The following CTNND2 variants were observed in gnomAD, a reference collection of about 807,000 sequenced individuals.
The protein encoded by CTNND2 is catenin delta 2.
CTNND2 carries 22 observed loss-of-function variants against 144.4 expected under a neutral mutation model. That is an observed-to-expected ratio of 0.15 (90% CI 0.11 to 0.22). CTNND2 has a LOEUF of 0.22. Ranked by LOEUF, CTNND2 falls within the 10% of genes least tolerant of loss-of-function variation. CTNND2 has a pLI of 1.00. For missense variants in CTNND2, 1,353 were observed against 1,618.8 expected, an observed-to-expected ratio of 0.84 and a Z score of 2.82; for synonymous variants, 751 against 695.6, an observed-to-expected ratio of 1.08 and a Z score of -1.25.
chr5:11,373,010 C>T (rs1311139242), intron 7 of CTNND2, among the ~76,000 whole-genome samples: 2 of 152,208 alleles, frequency 1.3e-5, no homozygotes, highest in African/African-American at 2.4e-5. Flanking sequence ...TCAATAAAGG[C>T]ACAGTTCAAG....
chr5:11,685,327 C>A (rs1011231327), intron 2 of CTNND2, among the ~76,000 whole-genome samples: 1 of 152,144 alleles, frequency 6.6e-6, no homozygotes, highest in African/African-American at 2.4e-5. Flanking sequence ...AAAATGAAAG[C>A]AAAGTGTCAG....
chr5:11,853,619 A>T (rs1795117238), intron 1 of CTNND2, among the ~76,000 whole-genome samples: 1 of 152,152 alleles, frequency 6.6e-6, no homozygotes, highest in African/African-American at 2.4e-5. Context: ...GCCTTGGTGA[A>T]CTTGAAACTC....
At chr5:11,867,374 A>G (rs891586305) in intron 1 of CTNND2, among the ~76,000 whole-genome samples, 5 of 152,236 alleles carry the variant, frequency 3.3e-5, no homozygotes, top group African/African-American at 1.2e-4. Context: ...AATCACAGAA[A>G]ACATTACAGG....
chr5:11,161,552 CTTCA>C (rs1758767816), intron 11 of CTNND2, among the ~76,000 whole-genome samples: 1 of 152,136 alleles, frequency 6.6e-6, no homozygotes, highest in African/African-American at 2.4e-5. Flanking sequence ...ATCAAAATGA[CTTCA>C]TTCATTTCCA....
At chr5:11,689,581 C>G (rs1209409075) in intron 2 of CTNND2, among the ~76,000 whole-genome samples, 1 of 152,120 alleles carries the variant, frequency 6.6e-6, no homozygotes, top group Admixed American at 6.5e-5. Flanking sequence ...AGAATATTGT[C>G]ACTTACTTTT....
At chr5:11,325,994 G>T (rs1752483557) in intron 9 of CTNND2, among the ~76,000 whole-genome samples, 1 of 152,142 alleles carries the variant, frequency 6.6e-6, no homozygotes, top group Non-Finnish European at 1.5e-5. Context: ...ACCACAAAGT[G>T]AACATGGGAT....
chr5:11,337,380 A>AT (rs539994159), intron 9 of CTNND2, among the ~76,000 whole-genome samples: 28 of 151,974 alleles, frequency 1.8e-4, no homozygotes, highest in African/African-American at 5.5e-4. Flanking sequence ...CATTCTGACC[A>AT]TTTTTTTCAA....
chr5:11,025,087 A>C (rs977502376), intron 16 of CTNND2, among the ~76,000 whole-genome samples: 9 of 152,116 alleles, frequency 5.9e-5, no homozygotes, highest in Non-Finnish European at 1.3e-4. Flanking sequence ...TAGGTTACTG[A>C]CATTTTACTA....
intron 1 of CTNND2, among the ~76,000 whole-genome samples, chr5:11,785,160 T>C (rs1293170513): frequency 6.6e-6 from 1 of 152,186 alleles, no homozygotes; most frequent in East Asian, 1.9e-4. Context: ...AAAACATAAA[T>C]TGTTATTGTG....
chr5:11,476,942 C>T (rs1354747428), intron 3 of CTNND2, among the ~76,000 whole-genome samples: 1 of 152,132 alleles, frequency 6.6e-6, no homozygotes, highest in Non-Finnish European at 1.5e-5. Flanking sequence ...AGAAGTAAAA[C>T]ACCTCCCTTT....
intron 11 of CTNND2, among the ~76,000 whole-genome samples, chr5:11,181,770 GTGTGTC>G (rs1735006063): frequency 6.7e-6 from 1 of 149,166 alleles, no homozygotes; most frequent in South Asian, 2.2e-4. Flanking sequence ...GTGTGTGTGT[GTGTGTC>G]TGTGTGTGTG....
intron 5 of CTNND2, among the ~76,000 whole-genome samples, chr5:11,398,673 T>C (rs1306527715): frequency 6.6e-6 from 1 of 152,042 alleles, no homozygotes; most frequent in South Asian, 2.1e-4. Context: ...ACAAATGCAA[T>C]CCCTTCACTT....
chr5:11,609,128 CAT>C (rs1780199316), intron 2 of CTNND2, among the ~76,000 whole-genome samples: 1 of 152,178 alleles, frequency 6.6e-6, no homozygotes, highest in South Asian at 2.1e-4. Flanking sequence ...CTGGTTCACT[CAT>C]AGTTTTTTTC....
At chr5:11,815,255 G>A (rs1792561240) in intron 1 of CTNND2, among the ~76,000 whole-genome samples, 2 of 152,092 alleles carry the variant, frequency 1.3e-5, no homozygotes, top group East Asian at 3.9e-4. Flanking sequence ...CAATGAATTA[G>A]AATTAACATT....
intron 3 of CTNND2, among the ~76,000 whole-genome samples, chr5:11,439,761 T>TATCTATCTATCTATC (rs1764095926): frequency 6.7e-6 from 1 of 149,606 alleles, no homozygotes; most frequent in African/African-American, 2.5e-5. Context: ...TCTATCTATC[T>TATCTATCTATCTATC]ATCTATCTAT....
intron 2 of CTNND2, among the ~76,000 whole-genome samples, chr5:11,725,940 A>G (rs1786992913): frequency 6.6e-6 from 1 of 152,186 alleles, no homozygotes; most frequent in Non-Finnish European, 1.5e-5. Context: ...TTCCTCTAGA[A>G]TATTCTATGG....
At chr5:11,471,143 AATTTTTTGT>A (rs1767193762) in intron 3 of CTNND2, among the ~76,000 whole-genome samples, 2 of 150,904 alleles carry the variant, frequency 1.3e-5, no homozygotes, top group African/African-American at 4.9e-5. Context: ...ATGCCCAGCT[AATTTTTTGT>A]ATTTTTAGTA....
At chr5:11,429,811 A>T (rs1482297161) in intron 3 of CTNND2, among the ~76,000 whole-genome samples, 1 of 152,200 alleles carries the variant, frequency 6.6e-6, no homozygotes, top group Admixed American at 6.5e-5. Context: ...CCCTCAAAGC[A>T]CAGGTCATTA....
intron 2 of CTNND2, among the ~76,000 whole-genome samples, chr5:11,639,730 T>C (rs1418324431): frequency 6.6e-6 from 1 of 152,220 alleles, no homozygotes; most frequent in Non-Finnish European, 1.5e-5. Context: ...CTCTAGAATC[T>C]ATTTGTTTCA....
Sources: gnomAD v4.1 joint callset for allele counts (sites outside exome capture counted in the v4.1 genomes callset) on GRCh38, gnomAD v4.1.1 for gene constraint, MANE v1.5 for transcripts, NCBI Gene and HGNC (gene_info 2026-07-23, HGNC 2026-07-21) for gene names.